LRRC4C: variants seen among roughly 807,000 people sequenced by gnomAD.
LRRC4C encodes leucine-rich repeat-containing protein 4C.
LRRC4C carries 5 observed loss-of-function variants against 33.6 expected under a neutral mutation model. That is an observed-to-expected ratio of 0.15 (90% CI 0.08 to 0.31). The LOEUF (loss-of-function observed/expected upper bound fraction) is 0.31, where lower values mean the gene tolerates loss of function less well. LRRC4C is among the 10% of genes least tolerant of loss of function. LRRC4C has a pLI of 1.00. For synonymous variants in LRRC4C, 329 were observed against 302.0 expected (o/e 1.09, Z -0.93); for missense variants, 560 against 796.7 (o/e 0.70, Z 3.58).
intron 3 of LRRC4C, among the ~76,000 whole-genome samples, chr11:40,633,371 T>TTCTTTCTCTCTCTC (rs745929705): frequency 3.0e-4 from 29 of 96,324 alleles, no homozygotes; most frequent in African/African-American, 9.7e-4. Context: ...CTTTCTTTCT[T>TTCTTTCTCTCTCTC]TCTCTCTCTT....
intron 5 of LRRC4C, among the ~76,000 whole-genome samples, chr11:40,170,566 G>A (rs1859963177): frequency 6.6e-6 from 1 of 152,174 alleles, no homozygotes; most frequent in East Asian, 1.9e-4. Flanking sequence ...AAGAGAGTGA[G>A]ATGGAGAATG....
At chr11:41,005,865 C>G (rs1265685432) in intron 1 of LRRC4C, among the ~76,000 whole-genome samples, 1 of 152,156 alleles carries the variant, frequency 6.6e-6, no homozygotes, top group Admixed American at 6.5e-5. Flanking sequence ...AACACAGATA[C>G]ATTTCCTAGT....
At chr11:40,258,363 T>G (rs1867393484) in intron 4 of LRRC4C, among the ~76,000 whole-genome samples, 1 of 152,214 alleles carries the variant, frequency 6.6e-6, no homozygotes, top group African/African-American at 2.4e-5. Context: ...GGTTTTTCAA[T>G]TTTCTCAGTA....
intron 5 of LRRC4C, among the ~76,000 whole-genome samples, chr11:40,165,229 T>G (rs1404138234): frequency 6.6e-6 from 1 of 152,230 alleles, no homozygotes; most frequent in East Asian, 1.9e-4. Context: ...TACACATATA[T>G]GTATATATAT....
chr11:40,524,829 A>T (rs1048440466), intron 3 of LRRC4C, among the ~76,000 whole-genome samples: 1 of 152,194 alleles, frequency 6.6e-6, no homozygotes, highest in Non-Finnish European at 1.5e-5. Flanking sequence ...ACCCTTTTGG[A>T]GCTCGCATAG....
chr11:40,220,671 T>G (rs913533287), intron 5 of LRRC4C, among the ~76,000 whole-genome samples: 3 of 152,176 alleles, frequency 2.0e-5, no homozygotes, highest in Non-Finnish European at 4.4e-5. Context: ...ATAAATTCAT[T>G]TTTTTAACTT....
At chr11:41,203,065 C>T (rs1404540753) in intron 1 of LRRC4C, among the ~76,000 whole-genome samples, 1 of 152,182 alleles carries the variant, frequency 6.6e-6, no homozygotes, top group African/African-American at 2.4e-5. Flanking sequence ...GGATAACAGG[C>T]GTGAGCCACT....
chr11:40,610,988 A>G (rs1276250331), intron 3 of LRRC4C, among the ~76,000 whole-genome samples: 3 of 151,900 alleles, frequency 2.0e-5, no homozygotes, highest in Non-Finnish European at 2.9e-5. Context: ...TTATCAAAAT[A>G]CCAATGATTG....
chr11:41,322,764 C>A (rs951423994), intron 1 of LRRC4C, among the ~76,000 whole-genome samples: 1 of 152,086 alleles, frequency 6.6e-6, no homozygotes, highest in South Asian at 2.1e-4. Context: ...GGGCTCTGAT[C>A]ATCATAGTTA....
intron 1 of LRRC4C, among the ~76,000 whole-genome samples, chr11:41,145,429 C>G (rs143665163): frequency 7.6e-6 from 1 of 132,402 alleles, no homozygotes; most frequent in Non-Finnish European, 1.7e-5. Context: ...GCAAACTACA[C>G]GCTATGGTCA....
chr11:40,237,625 A>C (rs1181062594), intron 5 of LRRC4C, among the ~76,000 whole-genome samples: 2 of 152,164 alleles, frequency 1.3e-5, no homozygotes, highest in Non-Finnish European at 2.9e-5. Flanking sequence ...GCCACCCTTC[A>C]TTCTATCTTC....
intron 1 of LRRC4C, among the ~76,000 whole-genome samples, chr11:41,260,126 T>C (rs1018977583): frequency 1.3e-5 from 2 of 152,078 alleles, no homozygotes; most frequent in African/African-American, 4.8e-5. Context: ...ATATGCTGCC[T>C]TTCACATAGT....
At chr11:41,048,685 C>A (rs552101061) in intron 1 of LRRC4C, among the ~76,000 whole-genome samples, 2 of 152,248 alleles carry the variant, frequency 1.3e-5, no homozygotes, top group East Asian at 3.9e-4. Context: ...TCTCAGAAAG[C>A]TCCAAGTATT....
chr11:41,405,587 G>T (rs1047047353), intron 1 of LRRC4C, among the ~76,000 whole-genome samples: 1 of 152,074 alleles, frequency 6.6e-6, no homozygotes, highest in African/African-American at 2.4e-5. Context: ...AGGATATAAA[G>T]AGTAGTTTAC....
intron 1 of LRRC4C, among the ~76,000 whole-genome samples, chr11:41,111,092 C>T (rs1941804276): frequency 6.6e-6 from 1 of 151,952 alleles, no homozygotes; most frequent in Admixed American, 6.6e-5. Context: ...CTCATGTAAG[C>T]CACTAATAGA....
At chr11:40,152,562 C>A (rs534604972) in intron 5 of LRRC4C, among the ~76,000 whole-genome samples, 147 of 152,298 alleles carry the variant, frequency 9.7e-4, no homozygotes, top group African/African-American at 3.5e-3. Context: ...TCAAGTCCCT[C>A]TCGCCCTCTG....
chr11:41,372,703 G>T (rs1952794458), intron 1 of LRRC4C, among the ~76,000 whole-genome samples: 1 of 151,298 alleles, frequency 6.6e-6, no homozygotes, highest in African/African-American at 2.4e-5. Flanking sequence ...GTAAATCTGG[G>T]CTAATGTTGG....
At chr11:40,451,511 G>A (rs1160740701) in intron 3 of LRRC4C, among the ~76,000 whole-genome samples, 3 of 149,550 alleles carry the variant, frequency 2.0e-5, no homozygotes, top group Non-Finnish European at 4.4e-5. Context: ...TCAGCCTCCT[G>A]AGTAGCTGGG....
At chr11:40,511,806 G>T (rs1955329447) in intron 3 of LRRC4C, among the ~76,000 whole-genome samples, 1 of 152,040 alleles carries the variant, frequency 6.6e-6, no homozygotes, top group Non-Finnish European at 1.5e-5. Flanking sequence ...TTGGGAGAGT[G>T]GGCTATATTT....
Sources: gnomAD v4.1 joint callset for allele counts (sites outside exome capture counted in the v4.1 genomes callset) on GRCh38, gnomAD v4.1.1 for gene constraint, MANE v1.5 for transcripts, NCBI Gene and HGNC (gene_info 2026-07-23, HGNC 2026-07-21) for gene names.